The following HLA-F variants were observed in gnomAD, a reference collection of about 807,000 sequenced individuals.
The protein encoded by HLA-F is HLA class I histocompatibility antigen, alpha chain F.
In HLA-F, 46 loss-of-function variants were observed where a neutral mutation model predicts 49.5. That is an observed-to-expected ratio of 0.93 (90% CI 0.73 to 1.19). The LOEUF is 1.19. Ranked by LOEUF, HLA-F falls within the 50% of genes most tolerant of loss-of-function variation. The pLI is 0.00. For missense variants in HLA-F, 496 were observed against 579.6 expected (o/e 0.86, Z 1.48); for synonymous variants, 203 against 233.5 (o/e 0.87, Z 1.19).
chr6:29,728,740 C>A (rs1776329819), downstream of HLA-F: 1 of 152,092 alleles, frequency 6.6e-6, no homozygotes, highest in East Asian at 1.9e-4. Flanking sequence ...AATCTTAGAC[C>A]AGGTGAAATT....
At chr6:29,728,972 A>G (rs1776348703), downstream of HLA-F, 3 of 152,178 alleles carry the variant, frequency 2.0e-5, no homozygotes, top group Non-Finnish European at 4.4e-5. Flanking sequence ...ATAGAAGCCA[A>G]CTTCAGTTTG....
chr6:29,723,947 G>C lies in HLA-F; in HGVS notation c.334+20G>C. 6.3e-7 allele frequency: 1 copy of C among 1,582,214 alleles called. No individual in the cohort carries two copies. The highest frequency in any genetic ancestry group is 8.6e-7 in the Non-Finnish European group (1 of 1,164,582). ...AGGCTGGTGAGTGAACCCGGCCGGG[G>C]GCGCAGGTCACGACCACCCCCCATC... On this transcript the variant is annotated intron_variant, in intron 2 of 6. Coordinates refer to ENST00000259951, the MANE Select transcript of HLA-F (RefSeq NM_001098479.2).
chr6:29,731,223 A>AGATGGATG (rs374128095), downstream of HLA-F, among the ~76,000 whole-genome samples: 596 of 109,854 alleles, frequency 5.4e-3, 10 homozygotes, highest in East Asian at 0.079. Flanking sequence ...CCAATAGAGT[A>AGATGGATG]GATGGATACA....
chr6:29,728,394 G>C (rs957923185), downstream of HLA-F: 22 of 305,038 alleles, frequency 7.2e-5, 1 homozygote, highest in South Asian at 4.9e-4. Flanking sequence ...CAGAAGTGAT[G>C]ATATGTGCAC....
At chr6:29,727,938 G>C (rs776902482), downstream of HLA-F, 1 of 518,106 alleles carries the variant, frequency 1.9e-6, no homozygotes, top group Non-Finnish European at 3.9e-6. Flanking sequence ...TCTACTTCCG[G>C]ATCACTTTCC....
In HLA-F at chr6:29,725,488, G is replaced by T; in HGVS notation, c.928G>T (p.Ala310Ser). The T allele has an allele frequency of 6.2e-7, 1 of 1,614,142 alleles. No homozygotes were observed. Among genetic ancestry groups the T allele is most frequent in the Non-Finnish European group, 8.5e-7 (1 of 1,180,018 alleles). Residue 310 changes from alanine to serine, a missense_variant, in exon 5 of 7, where the codon GCT becomes TCT. Transcript: ENST00000259951. ...CACCATCCCCATCGTGGGCATCGTTGCTGGCCTTGTTGTCCTTGGAGCTGT... is the reference window on the plus strand; with the variant it reads ...CACCATCCCCATCGTGGGCATCGTTTCTGGCCTTGTTGTCCTTGGAGCTGT... ...QPTIPIVGIV[A>S]GLVVLGAVVT...
At chr6:29,731,221 G>GTAGATGGATGGA (rs1393055470), downstream of HLA-F, among the ~76,000 whole-genome samples, 717 of 123,850 alleles carry the variant, frequency 5.8e-3, 7 homozygotes, top group Middle Eastern at 0.019. Flanking sequence ...ACCCAATAGA[G>GTAGATGGATGGA]TAGATGGATA....
At chr6:29,732,360 T>C (rs933421824) in intron 3 of HLA-F, among the ~76,000 whole-genome samples, 4 of 152,204 alleles carry the variant, frequency 2.6e-5, no homozygotes, top group African/African-American at 9.7e-5. Flanking sequence ...AAAGATAAGA[T>C]GAAAGCAGAT....
chr6:29,736,559 G>C (rs987744055), intron 3 of HLA-F: 1 of 358,788 alleles, frequency 2.8e-6, no homozygotes, highest in African/African-American at 2.2e-5. Flanking sequence ...TTTTCACAAA[G>C]TGAACACTCA....
At chr6:29,726,761 G>C in intron 6 of HLA-F, 122 bp from the exon 7 acceptor site, 1 of 1,235,582 alleles carries the variant, frequency 8.1e-7, no homozygotes, top group South Asian at 1.2e-5. Context: ...GACTGAATCA[G>C]AGTGTTGACT....
chr6:29,735,018 T>C (rs1776933438), intron 3 of HLA-F: 1 of 152,182 alleles, frequency 6.6e-6, no homozygotes, highest in Non-Finnish European at 1.5e-5. Flanking sequence ...GGCTAAATCA[T>C]ATTCCATTGT....
At position 29,724,277 on chromosome 6, in the gene HLA-F, C is replaced by G; in HGVS notation, c.439C>G (p.Leu147Val). 1 of 1,613,272 alleles carries G rather than the reference C, an allele frequency of 6.2e-7. No individual in the cohort carries two copies. The highest frequency in any genetic ancestry group is 8.5e-7 in the Non-Finnish European group (1 of 1,180,036). The change falls in exon 3 of 7, where the codon CTG (leucine) becomes GTG (valine). Residue 147 changes from leucine (L) to valine (V), a missense_variant. Leu to Val is a conservative substitution (Grantham distance 32, BLOSUM62 1). Transcript: ENST00000259951. ...HAYDGKDYISLNEDLRSWTAA... is the reference protein window; with the variant it reads ...HAYDGKDYISVNEDLRSWTAA... Reference sequence around the variant, plus strand: ...GTACGACGGCAAGGATTACATCTCCCTGAACGAGGACCTGCGCTCCTGGAC... The same window carrying G: ...GTACGACGGCAAGGATTACATCTCCGTGAACGAGGACCTGCGCTCCTGGAC...
At chr6:29,724,472 C>T in intron 3 of HLA-F, 24 bp downstream of exon 3, 1 of 1,610,088 alleles carries the variant, frequency 6.2e-7, no homozygotes, top group Non-Finnish European at 8.5e-7. Context: ...TGGGCGCCTT[C>T]CCTATCTCCT....
intron 3 of HLA-F, among the ~76,000 whole-genome samples, chr6:29,737,319 C>T (rs1031673146): frequency 6.0e-5 from 9 of 149,658 alleles, no homozygotes; most frequent in Admixed American, 1.3e-4. Flanking sequence ...TTAAACCACA[C>T]CTTGGGGTGC....
intron 3 of HLA-F, chr6:29,734,957 T>C (rs1776929464): frequency 6.6e-6 from 1 of 152,152 alleles, no homozygotes; most frequent in Non-Finnish European, 1.5e-5. Context: ...CTTATCATGT[T>C]TTTGAGATTC....
At chr6:29,726,717 A>G in intron 6 of HLA-F, 166 bp from the exon 7 acceptor site, 1 of 1,248,480 alleles carries the variant, frequency 8.0e-7, no homozygotes, top group Non-Finnish European at 1.2e-6. Context: ...CGTAGTCAGG[A>G]GCCAGTCGAA....
At chr6:29,726,140 T>C in intron 6 of HLA-F, 97 bp downstream of exon 6, 2 of 1,224,960 alleles carry the variant, frequency 1.6e-6, no homozygotes, top group East Asian at 2.3e-5. Flanking sequence ...TAGCCACATC[T>C]GTGGGCTCTG....
At chr6:29,731,591 T>C (rs1042909685), downstream of HLA-F, among the ~76,000 whole-genome samples, 1 of 152,086 alleles carries the variant, frequency 6.6e-6, no homozygotes, top group African/African-American at 2.4e-5. Flanking sequence ...CCCTAGGTGA[T>C]TGGATTGTGG....
At chr6:29,725,921 C>A (rs1235086300) in intron 5 of HLA-F, 90 bp from the exon 6 acceptor site, 4 of 1,420,908 alleles carry the variant, frequency 2.8e-6, no homozygotes, top group African/African-American at 2.8e-5. Context: ...TTTCTGGAAA[C>A]TTCTCTGGGA....
Sources: allele counts gnomAD v4.1 joint callset (sites outside exome capture counted in the v4.1 genomes callset), GRCh38; gene constraint gnomAD v4.1.1; transcripts MANE v1.5; gene names NCBI Gene and HGNC (gene_info 2026-07-23, HGNC 2026-07-21).